The following PDE4D variants were observed in gnomAD, a reference collection of about 807,000 sequenced individuals.
PDE4D encodes the protein phosphodiesterase 4D, also known as 3',5'-cyclic-AMP phosphodiesterase 4D.
Under a neutral mutation model 87.4 loss-of-function variants are expected in PDE4D, and 24 were observed. That is an observed-to-expected ratio of 0.27 (90% confidence interval 0.20 to 0.39). The LOEUF (loss-of-function observed/expected upper bound fraction) is 0.39. Among genes scored for constraint, PDE4D ranks in the 10% least tolerant of loss-of-function variants. PDE4D has a pLI of 1.00. For missense variants in PDE4D, 714 were observed against 1,041.0 expected (o/e 0.69, Z 4.32); for synonymous variants, 384 against 383.2 (o/e 1.00, Z -0.02).
chr5:60,105,832 A>G (rs902142830), intron 2 of PDE4D, among the ~76,000 whole-genome samples: 10 of 151,796 alleles, frequency 6.6e-5, no homozygotes, highest in African/African-American at 2.2e-4. Context: ...TGTCACCACC[A>G]GGCCTAAAAG....
chr5:60,385,650 A>G (rs1561193942), intron 1 of PDE4D, among the ~76,000 whole-genome samples: 1 of 152,092 alleles, frequency 6.6e-6, no homozygotes, highest in Non-Finnish European at 1.5e-5. Context: ...CTCCAGCATC[A>G]TTTCTCAGTC....
chr5:60,044,306 A>G (rs13184009), intron 2 of PDE4D, among the ~76,000 whole-genome samples: 64 of 151,940 alleles, frequency 4.2e-4, no homozygotes, highest in African/African-American at 1.4e-3. Flanking sequence ...ATTAAAAACA[A>G]TTTTTTAAAA....
chr5:59,335,842 G>A (rs931708355), intron 1 of PDE4D, among the ~76,000 whole-genome samples: 6 of 152,142 alleles, frequency 3.9e-5, no homozygotes, highest in Non-Finnish European at 7.4e-5. Context: ...AAAGACTCCA[G>A]AAATAAGTTC....
intron 6 of PDE4D, among the ~76,000 whole-genome samples, chr5:59,001,546 G>C (rs1227054506): frequency 6.6e-6 from 1 of 152,160 alleles, no homozygotes. Context: ...ACCCCCAGAG[G>C]AATACTAAGG....
intron 5 of PDE4D, among the ~76,000 whole-genome samples, chr5:59,164,423 T>C (rs1011692961): frequency 2.0e-5 from 3 of 152,206 alleles, no homozygotes; most frequent in African/African-American, 7.2e-5. Context: ...GTTCCTACTA[T>C]GCGTCAGATG....
intron 3 of PDE4D, among the ~76,000 whole-genome samples, chr5:59,952,546 G>A (rs951833087): frequency 6.6e-6 from 1 of 152,128 alleles, no homozygotes; most frequent in Non-Finnish European, 1.5e-5. Flanking sequence ...TAGAATCTAT[G>A]AGTTGGATTT....
chr5:60,028,284 A>G (rs775611853), intron 2 of PDE4D, among the ~76,000 whole-genome samples: 1 of 151,656 alleles, frequency 6.6e-6, no homozygotes, highest in Non-Finnish European at 1.5e-5. Flanking sequence ...CCCAAGATTT[A>G]TTTTCCTTTC....
At chr5:59,490,765 G>T (rs1417622554) in intron 1 of PDE4D, among the ~76,000 whole-genome samples, 1 of 152,152 alleles carries the variant, frequency 6.6e-6, no homozygotes, top group Non-Finnish European at 1.5e-5. Context: ...AACAGGTAAA[G>T]ATATAATACA....
chr5:60,056,232 A>G (rs1390050820), intron 2 of PDE4D, among the ~76,000 whole-genome samples: 3 of 152,002 alleles, frequency 2.0e-5, no homozygotes, highest in Non-Finnish European at 4.4e-5. Flanking sequence ...AGCATTTTCT[A>G]TTTCAGTTCA....
intron 5 of PDE4D, among the ~76,000 whole-genome samples, chr5:59,084,538 T>C (rs1267104625): frequency 6.6e-6 from 1 of 151,646 alleles, no homozygotes; most frequent in Admixed American, 6.6e-5. Context: ...CAAAAAAGTG[T>C]AAAAAACAAA....
intron 1 of PDE4D, among the ~76,000 whole-genome samples, chr5:59,251,305 C>A (rs533768340): frequency 2.0e-5 from 3 of 152,188 alleles, no homozygotes; most frequent in Non-Finnish European, 4.4e-5. Context: ...TATCCTGCAT[C>A]TATAAGGAAC....
intron 1 of PDE4D, among the ~76,000 whole-genome samples, chr5:59,535,079 G>C (rs113130243): frequency 3.6e-5 from 3 of 83,116 alleles, no homozygotes; most frequent in East Asian, 2.3e-4. Flanking sequence ...GTGTGTGTGG[G>C]GGGGGGGTCC....
chr5:59,792,688 TCAAA>T (rs1306762725), intron 1 of PDE4D, among the ~76,000 whole-genome samples: 3 of 152,148 alleles, frequency 2.0e-5, no homozygotes, highest in East Asian at 3.9e-4. Context: ...TTGGAAATCT[TCAAA>T]CAGAGGAGTG....
chr5:59,278,235 C>T (rs1405168685), intron 1 of PDE4D, among the ~76,000 whole-genome samples: 2 of 151,994 alleles, frequency 1.3e-5, no homozygotes, highest in Non-Finnish European at 2.9e-5. Flanking sequence ...TCTAAGCATC[C>T]TGTAGTTTTC....
At chr5:60,255,662 C>T (rs1272351086) in intron 1 of PDE4D, among the ~76,000 whole-genome samples, 1 of 151,758 alleles carries the variant, frequency 6.6e-6, no homozygotes. Context: ...TAATTACTCT[C>T]TATCAACATC....
chr5:60,263,122 G>A lies in PDE4D; in HGVS notation c.-89-77435C>T, dbSNP rs565715723. On this transcript the variant is annotated intron_variant, in intron 1 of 16. Coordinates refer to the PDE4D transcript ENST00000502484. ...TAAACCTCTGTGCTAACGCCCACCT[G>A]TGCTGCACCAACCTCCAATGGAGCC... is the stretch of plus-strand genomic sequence containing the variant. 2.6e-4 allele frequency among the ~76,000 whole-genome samples: 40 copies of A among 152,280 alleles called. No homozygotes were observed. In the East Asian group the frequency reaches 6.8e-3, roughly 26 times the overall value.
intron 1 of PDE4D, among the ~76,000 whole-genome samples, chr5:59,697,954 G>T (rs1337393083): frequency 6.6e-6 from 1 of 152,144 alleles, no homozygotes; most frequent in Non-Finnish European, 1.5e-5. Flanking sequence ...AAGCTCTATA[G>T]ACATCAGTTT....
intron 1 of PDE4D, among the ~76,000 whole-genome samples, chr5:59,715,417 A>G (rs997896937): frequency 2.0e-5 from 3 of 152,212 alleles, no homozygotes; most frequent in African/African-American, 4.8e-5. Flanking sequence ...GGGGCACGGT[A>G]CACAGATGGG....
chr5:60,401,432 C>A (rs1741073978), intron 1 of PDE4D, among the ~76,000 whole-genome samples: 1 of 152,218 alleles, frequency 6.6e-6, no homozygotes, highest in South Asian at 2.1e-4. Flanking sequence ...TACTCAATTG[C>A]TGAAGCTGCA....
Sources: allele counts gnomAD v4.1 joint callset (sites outside exome capture counted in the v4.1 genomes callset), GRCh38; gene constraint gnomAD v4.1.1; transcripts MANE v1.5; gene names NCBI Gene and HGNC (gene_info 2026-07-23, HGNC 2026-07-21).